The following CNTNAP5 variants were observed in gnomAD, a reference collection of about 807,000 sequenced individuals.
The protein encoded by CNTNAP5 is contactin associated protein family member 5.
In CNTNAP5, 72 loss-of-function variants were observed where a neutral mutation model predicts 150.2. The observed-to-expected ratio is 0.48, with a 90% CI of 0.40 to 0.58. CNTNAP5 has a LOEUF of 0.58. CNTNAP5 is among the 20% of genes least tolerant of loss of function. CNTNAP5 has a pLI of 0.00. For missense variants in CNTNAP5, 1,636 were observed against 1,626.2 expected, an observed-to-expected ratio of 1.01 and a Z score of -0.10; for synonymous variants, 672 against 619.8, an observed-to-expected ratio of 1.08 and a Z score of -1.25.
intron 3 of CNTNAP5, among the ~76,000 whole-genome samples, chr2:124,327,519 A>T (rs1186106740): frequency 6.6e-6 from 1 of 152,138 alleles, no homozygotes; most frequent in Non-Finnish European, 1.5e-5. Flanking sequence ...CAGCATTAAC[A>T]TCAACACAGA....
chr2:124,549,943 G>A (rs954167068), intron 10 of CNTNAP5, among the ~76,000 whole-genome samples: 6 of 152,176 alleles, frequency 3.9e-5, no homozygotes, highest in East Asian at 3.9e-4. Flanking sequence ...GTGGAGCAGC[G>A]GTGCCCTCTC....
intron 11 of CNTNAP5, among the ~76,000 whole-genome samples, chr2:124,585,225 G>A (rs923573946): frequency 2.6e-5 from 4 of 152,134 alleles, no homozygotes; most frequent in African/African-American, 7.2e-5. Context: ...TCAGGTCCTG[G>A]GGAGGCTCTT....
intron 1 of CNTNAP5, among the ~76,000 whole-genome samples, chr2:124,108,169 T>G (rs1683209291): frequency 6.6e-6 from 1 of 152,140 alleles, no homozygotes; most frequent in Admixed American, 6.5e-5. Flanking sequence ...TGCACAAAAG[T>G]ATTTTAGGGT....
chr2:124,416,501 T>G (rs867987966), intron 3 of CNTNAP5, among the ~76,000 whole-genome samples: 9 of 152,202 alleles, frequency 5.9e-5, no homozygotes, highest in African/African-American at 2.2e-4. Flanking sequence ...TTGCTTAAAC[T>G]TCACAAGGAA....
chr2:124,450,075 C>T (rs561817164), intron 6 of CNTNAP5, among the ~76,000 whole-genome samples: 1 of 152,196 alleles, frequency 6.6e-6, no homozygotes, highest in Non-Finnish European at 1.5e-5. Flanking sequence ...CACAACGTTG[C>T]ATATCAATTA....
intron 3 of CNTNAP5, among the ~76,000 whole-genome samples, chr2:124,325,178 C>T (rs575739582): frequency 1.3e-5 from 2 of 152,194 alleles, no homozygotes; most frequent in Admixed American, 6.5e-5. Flanking sequence ...AGCTGCCTAA[C>T]GTTTTCAGCC....
chr2:124,872,134 T>A (rs988020686), intron 21 of CNTNAP5, among the ~76,000 whole-genome samples: 15 of 152,268 alleles, frequency 9.9e-5, no homozygotes, highest in African/African-American at 3.4e-4. Flanking sequence ...TCATTTCTTA[T>A]TGATTTCATC....
At chr2:124,087,107 G>A (rs905729801) in intron 1 of CNTNAP5, among the ~76,000 whole-genome samples, 4 of 151,362 alleles carry the variant, frequency 2.6e-5, no homozygotes, top group Admixed American at 2.6e-4. Context: ...TTTATCCTTC[G>A]CCTTTGGTCA....
At chr2:124,265,088 A>T (rs1410782658) in intron 3 of CNTNAP5, among the ~76,000 whole-genome samples, 1 of 152,230 alleles carries the variant, frequency 6.6e-6, no homozygotes, top group Non-Finnish European at 1.5e-5. Context: ...TTGGTTAGGA[A>T]CATGTAAATT....
At chr2:124,609,583 TAAAAAG>T (rs1438731945) in intron 11 of CNTNAP5, among the ~76,000 whole-genome samples, 2 of 150,932 alleles carry the variant, frequency 1.3e-5, no homozygotes, top group African/African-American at 4.9e-5. Flanking sequence ...CAAATAATAA[TAAAAAG>T]AGAGAGAGAG....
intron 3 of CNTNAP5, among the ~76,000 whole-genome samples, chr2:124,289,449 A>T (rs1688230674): frequency 6.6e-6 from 1 of 152,226 alleles, no homozygotes; most frequent in African/African-American, 2.4e-5. Context: ...TGTTTAAGGG[A>T]TATGAAAATG....
At chr2:124,891,628 G>T (rs1352542585) in intron 21 of CNTNAP5, among the ~76,000 whole-genome samples, 1 of 152,084 alleles carries the variant, frequency 6.6e-6, no homozygotes, top group Non-Finnish European at 1.5e-5. Flanking sequence ...ATAAAAACCT[G>T]TTCTAAAGGG....
At chr2:124,399,296 T>C (rs1691345847) in intron 3 of CNTNAP5, among the ~76,000 whole-genome samples, 1 of 152,178 alleles carries the variant, frequency 6.6e-6, no homozygotes. Flanking sequence ...CCAAAGGCTG[T>C]CAGTGAGCTT....
chr2:124,736,099 G>A (rs1350967292), intron 13 of CNTNAP5, among the ~76,000 whole-genome samples: 2 of 152,032 alleles, frequency 1.3e-5, no homozygotes, highest in African/African-American at 2.4e-5. Context: ...GCATGATGAC[G>A]GGTGCCTGTA....
At chr2:124,824,371 A>G (rs2104672828) in intron 19 of CNTNAP5, among the ~76,000 whole-genome samples, 1 of 152,290 alleles carries the variant, frequency 6.6e-6, no homozygotes, top group South Asian at 2.1e-4. Context: ...TTTCAAACAG[A>G]AAATAGCATG....
intron 3 of CNTNAP5, among the ~76,000 whole-genome samples, chr2:124,243,050 C>G (rs1284884576): frequency 2.6e-5 from 4 of 152,218 alleles, no homozygotes; most frequent in Admixed American, 2.0e-4. Context: ...CCCAGCCCCA[C>G]ACTCTTGACC....
At chr2:124,550,985 T>C (rs1391324073) in intron 10 of CNTNAP5, among the ~76,000 whole-genome samples, 3 of 152,152 alleles carry the variant, frequency 2.0e-5, no homozygotes, top group Non-Finnish European at 2.9e-5. Context: ...TGTCCTCTGC[T>C]TTGAAGAACT....
At chr2:124,442,724 C>T (rs1692704893) in intron 5 of CNTNAP5, among the ~76,000 whole-genome samples, 1 of 151,762 alleles carries the variant, frequency 6.6e-6, no homozygotes, top group Admixed American at 6.6e-5. Flanking sequence ...ATCAATCAAA[C>T]AAACAAAAAC....
chr2:124,616,185 G>A (rs910625125), intron 12 of CNTNAP5, among the ~76,000 whole-genome samples: 2 of 152,060 alleles, frequency 1.3e-5, no homozygotes, highest in Non-Finnish European at 2.9e-5. Flanking sequence ...TTAAAGATAG[G>A]CATTGTCTTT....
Sources: gnomAD v4.1 joint callset for allele counts (sites outside exome capture counted in the v4.1 genomes callset) on GRCh38, gnomAD v4.1.1 for gene constraint, MANE v1.5 for transcripts, NCBI Gene and HGNC (gene_info 2026-07-23, HGNC 2026-07-21) for gene names.